Variants in VWA8 observed in about 807,000 individuals in gnomAD.
VWA8 encodes the protein von Willebrand factor A domain containing 8, also known as von Willebrand factor A domain-containing protein 8.
VWA8 carries 221 observed loss-of-function variants against 241.5 expected under a neutral mutation model. The ratio of observed to expected loss-of-function variants is 0.91; its 90% CI spans 0.82 to 1.02. VWA8 has a LOEUF of 1.02. Among genes scored for constraint, VWA8 ranks in the 50% least tolerant of loss-of-function variants. The pLI is 0.00. For synonymous variants in VWA8, 852 were observed against 827.1 expected (o/e 1.03, Z -0.52); for missense variants, 2,322 against 2,328.7 (o/e 1.00, Z 0.06).
intron 17 of VWA8, among the ~76,000 whole-genome samples, chr13:41,797,508 T>C (rs1869760116): frequency 6.6e-6 from 1 of 152,202 alleles, no homozygotes; most frequent in South Asian, 2.1e-4. Context: ...TTAGAATATA[T>C]GATCTGTCAG....
intron 21 of VWA8, among the ~76,000 whole-genome samples, chr13:41,755,813 G>GA (rs1255794080): frequency 5.3e-5 from 8 of 151,742 alleles, no homozygotes; most frequent in Admixed American, 2.6e-4. Context: ...TCTTAGAGAT[G>GA]AAAGAACTGA....
At chr13:41,878,894 T>C (rs1874030927) in intron 9 of VWA8, among the ~76,000 whole-genome samples, 1 of 152,224 alleles carries the variant, frequency 6.6e-6, no homozygotes, top group African/African-American at 2.4e-5. Flanking sequence ...AAGTGGTTTC[T>C]TGGTAAAGAT....
chr13:41,672,177 T>C (rs2137800107), intron 36 of VWA8, among the ~76,000 whole-genome samples: 1 of 152,322 alleles, frequency 6.6e-6, no homozygotes, highest in African/African-American at 2.4e-5. Context: ...TTCGACTGCA[T>C]TTGTATGTGA....
chr13:41,871,958 G>C (rs958419401), intron 9 of VWA8, among the ~76,000 whole-genome samples: 5 of 152,224 alleles, frequency 3.3e-5, no homozygotes, highest in African/African-American at 4.8e-5. Flanking sequence ...CACATCCTCT[G>C]CAGCACCTGT....
At chr13:41,657,993 T>C (rs1222469888) in intron 37 of VWA8, among the ~76,000 whole-genome samples, 2 of 152,156 alleles carry the variant, frequency 1.3e-5, no homozygotes, top group African/African-American at 4.8e-5. Flanking sequence ...TAAAATAGAT[T>C]TGGGGTCTAT....
chr13:41,959,505 A>AC (rs1449338155), intron 1 of VWA8, among the ~76,000 whole-genome samples: 2 of 150,896 alleles, frequency 1.3e-5, no homozygotes, highest in East Asian at 2.0e-4. Context: ...AAAAAAAAAA[A>AC]AAAAACAAAA....
chr13:41,744,925 C>G (rs2045593442), intron 21 of VWA8, among the ~76,000 whole-genome samples: 1 of 152,092 alleles, frequency 6.6e-6, no homozygotes, highest in Non-Finnish European at 1.5e-5. Flanking sequence ...GCAAGCTCCA[C>G]CTCCTGGGTT....
intron 19 of VWA8, among the ~76,000 whole-genome samples, chr13:41,778,912 G>C (rs1398628923): frequency 2.9e-5 from 4 of 139,260 alleles, no homozygotes; most frequent in Admixed American, 8.2e-5. Flanking sequence ...CGCGATCTCG[G>C]CTCACTGCAA....
intron 4 of VWA8, among the ~76,000 whole-genome samples, chr13:41,892,060 A>C (rs1874871794): frequency 6.6e-6 from 1 of 152,168 alleles, no homozygotes; most frequent in African/African-American, 2.4e-5. Flanking sequence ...CATCCAAATA[A>C]ATTGAGGTTT....
chr13:41,605,107 T>A, intron 40 of VWA8, 61 bp downstream of exon 40: 2 of 1,535,996 alleles, frequency 1.3e-6, no homozygotes, highest in South Asian at 2.3e-5. Context: ...TCTCCAAGAC[T>A]TTAGGAATGT....
chr13:41,803,804 T>A (rs1180364600), intron 17 of VWA8, among the ~76,000 whole-genome samples: 1 of 152,196 alleles, frequency 6.6e-6, no homozygotes, highest in Non-Finnish European at 1.5e-5. Context: ...GAGAAGGAAT[T>A]CAGAATTCTA....
intron 37 of VWA8, among the ~76,000 whole-genome samples, chr13:41,631,083 G>A (rs556405621): frequency 1.3e-5 from 2 of 152,146 alleles, no homozygotes; most frequent in Non-Finnish European, 2.9e-5. Context: ...GCAGTGGTGC[G>A]ATCATGGCTC....
intron 37 of VWA8, among the ~76,000 whole-genome samples, chr13:41,667,910 T>C (rs1201583965): frequency 6.6e-6 from 1 of 152,210 alleles, no homozygotes; most frequent in Non-Finnish European, 1.5e-5. Flanking sequence ...CATGTTTCTA[T>C]CAAAGCATGT....
At chr13:41,881,849 CG>C (rs1166813550) in intron 9 of VWA8, among the ~76,000 whole-genome samples, 1 of 128,420 alleles carries the variant, frequency 7.8e-6, no homozygotes, top group African/African-American at 3.2e-5. Flanking sequence ...GCTGGCCGGG[CG>C]GGGGGCTGAC....
At chr13:41,820,371 A>ATAC (rs1466171598) in intron 14 of VWA8, among the ~76,000 whole-genome samples, 3 of 152,298 alleles carry the variant, frequency 2.0e-5, no homozygotes, top group African/African-American at 7.2e-5. Context: ...GAATACCAGG[A>ATAC]GGTAGGACAC....
rs181956302 is a variant in VWA8 at position 41,786,893 on chromosome 13, C to T, written c.2170+544G>A. Among the ~76,000 whole-genome samples the T allele has an allele frequency of 1.9e-4, 29 of 151,780 alleles. 1 individual carries two copies. The highest frequency in any genetic ancestry group is 6.3e-4 in the South Asian group (3 of 4,798). ...TTTTAAATGAAGAACTAAATCTCCCCGAAACTGAAAATTATATTTATGGCT... is the reference window on the plus strand; with the variant it reads ...TTTTAAATGAAGAACTAAATCTCCCTGAAACTGAAAATTATATTTATGGCT... On this transcript the variant is annotated intron_variant, in intron 18 of 44. Coordinates refer to ENST00000379310, the MANE Select transcript of VWA8 (RefSeq NM_015058.2).
chr13:41,687,516 G>A (rs546430551), intron 34 of VWA8, among the ~76,000 whole-genome samples: 3 of 152,274 alleles, frequency 2.0e-5, no homozygotes, highest in South Asian at 2.1e-4. Context: ...CAAGAAGGCA[G>A]TGTGGTGTGG....
chr13:41,627,998 G>A (rs774150838), intron 37 of VWA8, among the ~76,000 whole-genome samples: 4 of 152,058 alleles, frequency 2.6e-5, no homozygotes, highest in Admixed American at 1.3e-4. Context: ...TCTCCATAGG[G>A]CATACACCGA....
chr13:41,698,313 T>C (rs183804625), intron 29 of VWA8, among the ~76,000 whole-genome samples: 1 of 152,084 alleles, frequency 6.6e-6, no homozygotes, highest in African/African-American at 2.4e-5. Context: ...AGATAATAGG[T>C]ATACAAAAAC....
Sources: allele counts gnomAD v4.1 joint callset (sites outside exome capture counted in the v4.1 genomes callset), GRCh38; gene constraint gnomAD v4.1.1; transcripts MANE v1.5; gene names NCBI Gene and HGNC (gene_info 2026-07-23, HGNC 2026-07-21).